Variants in TMCC1 observed in about 807,000 individuals in gnomAD.
TMCC1 encodes transmembrane and coiled-coil domain family 1.
Under a neutral mutation model 52.4 loss-of-function variants are expected in TMCC1, and 15 were observed. The observed-to-expected ratio is 0.29, with a 90% CI of 0.19 to 0.44. The LOEUF (loss-of-function observed/expected upper bound fraction) is 0.44. Ranked by LOEUF, TMCC1 falls within the 20% of genes least tolerant of loss-of-function variation. The pLI, the probability that TMCC1 is intolerant of heterozygous loss-of-function variation, is 1.00. For synonymous variants in TMCC1, 279 were observed against 301.9 expected (o/e 0.92, Z 0.79); for missense variants, 503 against 806.0 (o/e 0.62, Z 4.55).
intron 4 of TMCC1, among the ~76,000 whole-genome samples, chr3:129,778,561 T>C (rs2055229114): frequency 6.6e-6 from 1 of 151,940 alleles, no homozygotes; most frequent in Non-Finnish European, 1.5e-5. Context: ...GAAGAAAGAA[T>C]GGTGATATGG....
At chr3:129,738,904 C>T (rs1256018240) in intron 4 of TMCC1, among the ~76,000 whole-genome samples, 4 of 152,220 alleles carry the variant, frequency 2.6e-5, no homozygotes, top group Middle Eastern at 6.8e-3. Context: ...CAGCAACCTC[C>T]GCCACCTGGG....
At chr3:129,882,476 T>C (rs568659063) in intron 1 of TMCC1, among the ~76,000 whole-genome samples, 1 of 151,864 alleles carries the variant, frequency 6.6e-6, no homozygotes, top group East Asian at 1.9e-4. Context: ...AAAATGAAAA[T>C]AGAATTACCA....
At chr3:129,744,652 C>T (rs955245300) in intron 4 of TMCC1, among the ~76,000 whole-genome samples, 2 of 152,120 alleles carry the variant, frequency 1.3e-5, no homozygotes, top group East Asian at 1.9e-4. Flanking sequence ...CTTATCATCA[C>T]CAAGGTTTCC....
intron 4 of TMCC1, among the ~76,000 whole-genome samples, chr3:129,761,783 G>T (rs2053617769): frequency 6.6e-6 from 1 of 152,042 alleles, no homozygotes; most frequent in African/African-American, 2.4e-5. Flanking sequence ...CTGAGGTCAG[G>T]AGTTTGAGAG....
intron 4 of TMCC1, among the ~76,000 whole-genome samples, chr3:129,761,113 C>T (rs1279180602): frequency 6.6e-6 from 1 of 151,430 alleles, no homozygotes; most frequent in African/African-American, 2.4e-5. Context: ...ATCACGAGGT[C>T]GGGGGATCGA....
intron 2 of TMCC1, among the ~76,000 whole-genome samples, chr3:129,862,522 A>T (rs2060440950): frequency 6.6e-6 from 1 of 152,242 alleles, no homozygotes; most frequent in African/African-American, 2.4e-5. Context: ...GACATATAAT[A>T]AATAGCTAAA....
intron 1 of TMCC1, among the ~76,000 whole-genome samples, chr3:129,887,815 G>T (rs2061787124): frequency 6.6e-6 from 1 of 152,138 alleles, no homozygotes; most frequent in Non-Finnish European, 1.5e-5. Context: ...ATACTGTAAT[G>T]TTAAACATAA....
intron 4 of TMCC1, among the ~76,000 whole-genome samples, chr3:129,689,960 A>C (rs2089672562): frequency 6.6e-6 from 1 of 152,210 alleles, no homozygotes; most frequent in South Asian, 2.1e-4. Flanking sequence ...CACTAGCATC[A>C]ACACTAGCTG....
intron 1 of TMCC1, among the ~76,000 whole-genome samples, chr3:129,892,110 T>TA (rs2061992816): frequency 6.6e-6 from 1 of 152,226 alleles, no homozygotes; most frequent in East Asian, 1.9e-4. Flanking sequence ...ACCTACACCA[T>TA]ACCAAATCTT....
chr3:129,858,528 G>T (rs565714091), intron 2 of TMCC1, among the ~76,000 whole-genome samples: 118 of 152,056 alleles, frequency 7.8e-4, no homozygotes, highest in African/African-American at 2.7e-3. Context: ...ATGCCACCAC[G>T]TCCAGCTAAT....
intron 2 of TMCC1, among the ~76,000 whole-genome samples, chr3:129,838,338 G>T (rs1186715935): frequency 1.3e-5 from 2 of 152,110 alleles, no homozygotes; most frequent in African/African-American, 4.8e-5. Context: ...GGGCCCTGGA[G>T]GTCGAGGCTG....
intron 5 of TMCC1, among the ~76,000 whole-genome samples, chr3:129,661,841 C>A (rs1490286778): frequency 6.6e-6 from 1 of 151,954 alleles, no homozygotes; most frequent in Non-Finnish European, 1.5e-5. Flanking sequence ...TAATGAAATG[C>A]AAATAACGAA....
intron 4 of TMCC1, among the ~76,000 whole-genome samples, chr3:129,731,408 T>C (rs2050527882): frequency 6.6e-6 from 1 of 152,182 alleles, no homozygotes; most frequent in African/African-American, 2.4e-5. Flanking sequence ...TGAAACCCTG[T>C]CTCTACTAAA....
chr3:129,842,477 AACACACACACAC>A (rs61106930), intron 2 of TMCC1, among the ~76,000 whole-genome samples: 5 of 147,648 alleles, frequency 3.4e-5, no homozygotes, highest in African/African-American at 9.9e-5. Flanking sequence ...AAAAAAACAA[AACACACACACAC>A]ACACACACAC....
chr3:129,887,300 T>A (rs549954553), intron 1 of TMCC1, among the ~76,000 whole-genome samples: 1 of 151,976 alleles, frequency 6.6e-6, no homozygotes, highest in Non-Finnish European at 1.5e-5. Flanking sequence ...TCCCAGCACT[T>A]TGGGAGGCCA....
chr3:129,806,039 A>C (rs1354255826), intron 4 of TMCC1, among the ~76,000 whole-genome samples: 2 of 152,214 alleles, frequency 1.3e-5, no homozygotes, highest in Non-Finnish European at 2.9e-5. Flanking sequence ...AAGTAATGTA[A>C]GTGTCATTTT....
intron 4 of TMCC1, among the ~76,000 whole-genome samples, chr3:129,817,143 T>C (rs1288974900): frequency 2.6e-5 from 4 of 152,094 alleles, no homozygotes; most frequent in Non-Finnish European, 5.9e-5. Context: ...ACCCCCAAAA[T>C]ACGTAAATTA....
chr3:129,864,485 A>C (rs2060533147), intron 2 of TMCC1, among the ~76,000 whole-genome samples: 1 of 152,186 alleles, frequency 6.6e-6, no homozygotes. Flanking sequence ...TCTTTTAATA[A>C]ATTTATAAGA....
chr3:129,702,543 T>C (rs1481495114), intron 4 of TMCC1, among the ~76,000 whole-genome samples: 1 of 152,158 alleles, frequency 6.6e-6, no homozygotes, highest in African/African-American at 2.4e-5. Flanking sequence ...CTGTTTACCA[T>C]AGTGAAGAGC....
Sources: gnomAD v4.1 joint callset for allele counts (sites outside exome capture counted in the v4.1 genomes callset) on GRCh38, gnomAD v4.1.1 for gene constraint, MANE v1.5 for transcripts, NCBI Gene and HGNC (gene_info 2026-07-23, HGNC 2026-07-21) for gene names.